SPIDR: variants seen among roughly 807,000 people sequenced by gnomAD.
SPIDR encodes DNA repair-scaffolding protein.
In SPIDR, 93 loss-of-function variants were observed where a neutral mutation model predicts 104.6. That is an observed-to-expected ratio of 0.89 (90% CI 0.75 to 1.06). The LOEUF is 1.06. Among genes scored for constraint, SPIDR ranks in the 50% least tolerant of loss-of-function variants. The pLI is 0.00. For missense variants in SPIDR, 1,154 were observed against 1,111.2 expected (o/e 1.04, Z -0.55); for synonymous variants, 431 against 416.9 (o/e 1.03, Z -0.41).
chr8:47,296,603 C>T (rs1314569985), intron 5 of SPIDR, among the ~76,000 whole-genome samples: 1 of 152,058 alleles, frequency 6.6e-6, no homozygotes, highest in African/African-American at 2.4e-5. Context: ...GGCTCTCTAC[C>T]CTGTTTGATT....
intron 5 of SPIDR, among the ~76,000 whole-genome samples, chr8:47,328,092 AT>A (rs1463874729): frequency 6.9e-6 from 1 of 145,398 alleles, no homozygotes; most frequent in Non-Finnish European, 1.5e-5. Context: ...TTTATCTATT[AT>A]TTCTTCTGTT....
rs375762172 is a variant in SPIDR at position 47,438,421 on chromosome 8, C to T, written c.878-1902C>T. On this transcript the variant is annotated intron_variant, in intron 7 of 19. Coordinates refer to ENST00000297423, the MANE Select transcript of SPIDR (RefSeq NM_001080394.4). ...CTTCTGAAGACTCTAATTCTGTACA[C>T]ACTGCTCTGGCTGCCCTGCTGAGGA... 2.7e-3 allele frequency among the ~76,000 whole-genome samples: 411 copies of T among 152,370 alleles called. 3 individuals are homozygous for T. Among genetic ancestry groups the T allele is most frequent in the South Asian group, 0.022 (108 of 4,830 alleles).
intron 5 of SPIDR, among the ~76,000 whole-genome samples, chr8:47,368,898 G>A (rs782282927): frequency 2.0e-5 from 3 of 152,160 alleles, no homozygotes; most frequent in Admixed American, 6.5e-5. Flanking sequence ...AGATGAAAGG[G>A]CTGGAAACAG....
At chr8:47,504,665 C>G (rs2081183968) in intron 8 of SPIDR, among the ~76,000 whole-genome samples, 1 of 152,214 alleles carries the variant, frequency 6.6e-6, no homozygotes, top group African/African-American at 2.4e-5. Flanking sequence ...CAGCTTTGTT[C>G]CATTGCTGGT....
chr8:47,481,706 T>C (rs1374681988), intron 8 of SPIDR, among the ~76,000 whole-genome samples: 1 of 152,150 alleles, frequency 6.6e-6, no homozygotes, highest in Non-Finnish European at 1.5e-5. Flanking sequence ...AGGAAAACAA[T>C]TGTGGGAGAC....
intron 8 of SPIDR, among the ~76,000 whole-genome samples, chr8:47,510,648 T>C (rs2082177171): frequency 6.6e-6 from 1 of 152,112 alleles, no homozygotes; most frequent in African/African-American, 2.4e-5. Context: ...TTAACAAATA[T>C]ACTTGTTGAA....
At chr8:47,389,688 CAAAAAA>C (rs11295388) in intron 5 of SPIDR, among the ~76,000 whole-genome samples, 5 of 62,024 alleles carry the variant, frequency 8.1e-5, no homozygotes, top group Non-Finnish European at 1.2e-4. Flanking sequence ...GACTCCATCT[CAAAAAA>C]AAAAAAAAAA....
rs1279265897 is a variant in SPIDR, at chr8:47,504,003, A to C, written c.1097+63461A>C. ...CTTGTAGAGTTTCTGCCGAGAGACC[A>C]GCTGTTAGTCTGATGGGCTTCCCTT... On this transcript the variant is annotated intron_variant, in intron 8 of 19. Transcript: ENST00000297423. Among the ~76,000 whole-genome samples, 4 of 152,294 alleles carry C rather than the reference A, an allele frequency of 2.6e-5. No homozygotes were observed. In the East Asian group the frequency reaches 5.8e-4, roughly 22 times the overall value.
At chr8:47,339,198 C>T (rs4873269) in intron 5 of SPIDR, among the ~76,000 whole-genome samples, 48,452 of 151,988 alleles carry the variant, frequency 0.32, 8,390 homozygotes, top group African/African-American at 0.45. Context: ...GGAAGTTTAG[C>T]GATTTTCTGC....
intron 10 of SPIDR, among the ~76,000 whole-genome samples, chr8:47,670,914 T>G (rs7816091): frequency 0.01 from 1,555 of 152,272 alleles, 25 homozygotes; most frequent in African/African-American, 0.027. Context: ...GAAATCATTT[T>G]ATTTGTTTTT....
chr8:47,317,663 A>AC (rs1285663304), intron 5 of SPIDR, among the ~76,000 whole-genome samples: 45 of 151,648 alleles, frequency 3.0e-4, no homozygotes, highest in African/African-American at 9.7e-4. Flanking sequence ...TGGGTCCCTG[A>AC]CCCCCCCGAG....
intron 5 of SPIDR, among the ~76,000 whole-genome samples, chr8:47,329,364 C>T (rs1254870060): frequency 6.6e-6 from 1 of 152,264 alleles, no homozygotes; most frequent in South Asian, 2.1e-4. Context: ...AGCCACCGCG[C>T]CCGACCCAAT....
intron 8 of SPIDR, among the ~76,000 whole-genome samples, chr8:47,456,479 C>CT (rs2073001384): frequency 6.6e-6 from 1 of 152,144 alleles, no homozygotes; most frequent in Non-Finnish European, 1.5e-5. Flanking sequence ...TACCGAATAT[C>CT]TTTTCTGTTC....
intron 7 of SPIDR, 51 bp from the exon 8 acceptor site, chr8:47,440,272 C>A: frequency 1.3e-6 from 2 of 1,501,556 alleles, no homozygotes; most frequent in Non-Finnish European, 1.9e-6. Flanking sequence ...CACGCTTGAA[C>A]CATCTGTCTT....
intron 8 of SPIDR, among the ~76,000 whole-genome samples, chr8:47,460,732 T>G (rs1554712941): frequency 6.6e-6 from 1 of 152,184 alleles, no homozygotes; most frequent in East Asian, 1.9e-4. Flanking sequence ...TTTTAATTAT[T>G]ATATTTTTGT....
chr8:47,290,963 C>T, intron 3 of SPIDR, 70 bp from the exon 4 acceptor site: 1 of 1,168,902 alleles, frequency 8.6e-7, no homozygotes, highest in Non-Finnish European at 1.2e-6. Flanking sequence ...AAATTACATG[C>T]ATAAAATTGT....
chr8:47,700,525 A>G (rs1271692705), intron 12 of SPIDR, 35 bp downstream of exon 12: 1 of 1,607,620 alleles, frequency 6.2e-7, no homozygotes, highest in South Asian at 1.1e-5. Context: ...CCCCAGTCAC[A>G]GACTACTCCA....
chr8:47,472,458 T>C (rs1399163603), intron 8 of SPIDR, among the ~76,000 whole-genome samples: 1 of 152,166 alleles, frequency 6.6e-6, no homozygotes, highest in Non-Finnish European at 1.5e-5. Flanking sequence ...GGCCAGTGGG[T>C]CACAGGAGAA....
Position 47,408,672 on chromosome 8 carries a change from A to G in SPIDR, c.877+711A>G, listed in dbSNP as rs576714815. Among the ~76,000 whole-genome samples the G allele has an allele frequency of 9.8e-5, 15 of 152,334 alleles. No individual in the cohort carries two copies. The South Asian group carries it at 3.1e-3, about 32-fold the overall frequency. The stretch of plus-strand genomic sequence containing the variant: ...AAAGCTGTCTCCGTTTGCAGATAAC[A>G]TGATCTTATATCTAGAAAACCCTAT... On this transcript the variant is annotated intron_variant, in intron 7 of 19. Transcript: ENST00000297423.
Sources: allele counts gnomAD v4.1 joint callset (sites outside exome capture counted in the v4.1 genomes callset), GRCh38; gene constraint gnomAD v4.1.1; transcripts MANE v1.5; gene names NCBI Gene and HGNC (gene_info 2026-07-23, HGNC 2026-07-21).